The following PTPRA variants were observed in gnomAD, a reference collection of about 807,000 sequenced individuals.
The protein encoded by PTPRA is protein tyrosine phosphatase receptor type A, also known as receptor-type tyrosine-protein phosphatase alpha.
A neutral mutation model predicts 104.8 loss-of-function variants in PTPRA; 25 were observed. That is an observed-to-expected ratio of 0.24 (90% CI 0.17 to 0.33). PTPRA has a LOEUF of 0.33. PTPRA is among the 10% of genes least tolerant of loss of function. The pLI is 1.00. For synonymous variants in PTPRA, 323 were observed against 368.9 expected (o/e 0.88, Z 1.43); for missense variants, 765 against 1,015.3 (o/e 0.75, Z 3.35).
chr20:3,024,705 A>G, intron 17 of PTPRA, 84 bp downstream of exon 17: 1 of 1,522,040 alleles, frequency 6.6e-7, no homozygotes, highest in Non-Finnish European at 9.0e-7. Flanking sequence ...TGCATTTGCC[A>G]ACAGTAAATC....
chr20:3,021,392 G>T lies in PTPRA; in HGVS notation c.1125G>T (p.Leu375=). ...IRVSVEDVTV[L]VDYTVRKFCI... ...TGTCTGTAGAGGATGTGACTGTCCT[G>T]GTGGACTACACAGTACGGAAGTTCT... The change falls in exon 14 of 24, where the codon CTG becomes CTT. Residue 375 remains leucine, a synonymous_variant. Transcript: ENST00000399903. The T allele has an allele frequency of 6.2e-7, 1 of 1,614,112 alleles. No individual in the cohort carries two copies. The highest frequency in any genetic ancestry group is 8.5e-7 in the Non-Finnish European group (1 of 1,179,970).
chr20:2,923,502 A>AAAGACC (rs2060173928), intron 2 of PTPRA, among the ~76,000 whole-genome samples: 1 of 151,956 alleles, frequency 6.6e-6, no homozygotes, highest in South Asian at 2.1e-4. Flanking sequence ...TTTTTAAAAA[A>AAAGACC]AAAGACCAAA....
intron 1 of PTPRA, among the ~76,000 whole-genome samples, chr20:2,892,765 G>A (rs939319415): frequency 6.6e-6 from 1 of 152,210 alleles, no homozygotes; most frequent in African/African-American, 2.4e-5. Context: ...TAGCCCCATT[G>A]TAGGGCAAGG....
At chr20:2,988,287 G>A (rs749047741) in intron 8 of PTPRA, 51 bp from the exon 9 acceptor site, 5 of 1,565,236 alleles carry the variant, frequency 3.2e-6, no homozygotes, top group Admixed American at 4.2e-5. Flanking sequence ...CTCCAGAAGA[G>A]GGGCTAGGTT....
intron 11 of PTPRA, among the ~76,000 whole-genome samples, chr20:3,007,788 TTATATATGTGTGTGTATG>T (rs1240201649): frequency 9.8e-4 from 147 of 149,888 alleles, no homozygotes; most frequent in African/African-American, 3.4e-3. Context: ...ACCAGCTATA[TTATATATGTGTGTGTATG>T]TATATATGTG....
At chr20:3,021,455 T>G in intron 14 of PTPRA, 27 bp downstream of exon 14, 1 of 1,612,932 alleles carries the variant, frequency 6.2e-7, no homozygotes, top group Non-Finnish European at 8.5e-7. Context: ...CCTTTCTCAG[T>G]TCTTATGTTG....
At chr20:2,976,318 C>T (rs1364007051) in intron 6 of PTPRA, among the ~76,000 whole-genome samples, 4 of 152,198 alleles carry the variant, frequency 2.6e-5, no homozygotes, top group Non-Finnish European at 2.9e-5. Flanking sequence ...AAACTGCTCT[C>T]TTAACCAGCC....
chr20:2,925,955 G>A (rs2060278676), intron 2 of PTPRA, among the ~76,000 whole-genome samples: 1 of 151,978 alleles, frequency 6.6e-6, no homozygotes, highest in African/African-American at 2.4e-5. Context: ...CATTTTTTGA[G>A]GAATCACCAT....
intron 1 of PTPRA, among the ~76,000 whole-genome samples, chr20:2,916,256 G>C (rs1006330076): frequency 7.9e-5 from 12 of 152,180 alleles, no homozygotes; most frequent in African/African-American, 2.9e-4. Flanking sequence ...GCCTAGGCTG[G>C]TCTTAAACTC....
chr20:2,947,479 G>A (rs2061177772), intron 2 of PTPRA, among the ~76,000 whole-genome samples: 1 of 152,188 alleles, frequency 6.6e-6, no homozygotes, highest in Non-Finnish European at 1.5e-5. Context: ...ATTCTCATCA[G>A]TAAAGGCAAA....
intron 2 of PTPRA, among the ~76,000 whole-genome samples, chr20:2,924,829 C>T (rs761856951): frequency 1.1e-4 from 16 of 152,030 alleles, no homozygotes; most frequent in African/African-American, 2.7e-4. Context: ...TACAGACACG[C>T]GCCACCACGC....
At chr20:2,956,316 C>CT (rs754131513) in intron 3 of PTPRA, among the ~76,000 whole-genome samples, 6 of 152,258 alleles carry the variant, frequency 3.9e-5, no homozygotes, top group Non-Finnish European at 8.8e-5. Flanking sequence ...TAAGTTAAAA[C>CT]TTTCACTGTA....
intron 1 of PTPRA, among the ~76,000 whole-genome samples, chr20:2,891,295 C>G (rs906459114): frequency 1.3e-5 from 2 of 152,172 alleles, no homozygotes; most frequent in African/African-American, 2.4e-5. Flanking sequence ...CAAAAGTGAT[C>G]TCTTTAACTT....
At chr20:2,966,179 A>C (rs1372354420) in intron 5 of PTPRA, among the ~76,000 whole-genome samples, 1 of 152,140 alleles carries the variant, frequency 6.6e-6, no homozygotes, top group African/African-American at 2.4e-5. Context: ...GCTTTTCCCC[A>C]TATTTTCTAC....
chr20:3,023,441 AC>A lies in PTPRA; in HGVS notation c.1464+620del, dbSNP rs544419375. ...TGGGAATGGAATGTCTTGGTGTAAA[AC>A]CCGATCGTACATTCTATTTACTGAG... On this transcript the variant is annotated intron_variant, in intron 16 of 23. Transcript: ENST00000399903. Among the ~76,000 whole-genome samples the A allele has an allele frequency of 5.1e-4, 78 of 152,198 alleles. No homozygotes were observed. The Middle Eastern group carries it at 0.01, about 20-fold the overall frequency.
intron 1 of PTPRA, among the ~76,000 whole-genome samples, chr20:2,890,450 T>C (rs1162415471): frequency 3.3e-5 from 5 of 152,200 alleles, no homozygotes; most frequent in Non-Finnish European, 7.3e-5. Flanking sequence ...GTTTTAAGCA[T>C]TAGATAGTGC....
intron 1 of PTPRA, among the ~76,000 whole-genome samples, chr20:2,875,737 T>A (rs1276267839): frequency 6.6e-6 from 1 of 152,184 alleles, no homozygotes; most frequent in Non-Finnish European, 1.5e-5. Flanking sequence ...CTCTACAGGG[T>A]TGGAAACTGA....
At chr20:2,975,275 T>C (rs1568677876) in intron 6 of PTPRA, 34 bp downstream of exon 6, 1 of 1,549,788 alleles carries the variant, frequency 6.5e-7, no homozygotes, top group South Asian at 1.1e-5. Flanking sequence ...TTGTTCCTTT[T>C]ACACAGTGTA....
intron 1 of PTPRA, among the ~76,000 whole-genome samples, chr20:2,885,802 A>C (rs1175041726): frequency 4.6e-5 from 7 of 152,046 alleles, no homozygotes; most frequent in Non-Finnish European, 4.4e-5. Flanking sequence ...GTGGTGGCCC[A>C]CGCCTGTAAT....
Sources: gnomAD v4.1 joint callset for allele counts (sites outside exome capture counted in the v4.1 genomes callset) on GRCh38, gnomAD v4.1.1 for gene constraint, MANE v1.5 for transcripts, NCBI Gene and HGNC (gene_info 2026-07-23, HGNC 2026-07-21) for gene names.